The following PRKCE variants were observed in gnomAD, a reference collection of about 807,000 sequenced individuals.
PRKCE encodes the protein protein kinase C epsilon type.
In PRKCE, 16 loss-of-function variants were observed where a neutral mutation model predicts 85.4. The ratio of observed to expected loss-of-function variants is 0.19; its 90% CI spans 0.13 to 0.28. The LOEUF is 0.28. Ranked by LOEUF, PRKCE falls within the 10% of genes least tolerant of loss-of-function variation. The probability of loss-of-function intolerance (pLI) is 1.00; values close to 1 mark genes in which losing one functional copy is unlikely to be tolerated. For missense variants in PRKCE, 573 were observed against 975.2 expected (o/e 0.59, Z 5.49); for synonymous variants, 388 against 371.5 (o/e 1.04, Z -0.51).
intron 14 of PRKCE, among the ~76,000 whole-genome samples, chr2:46,161,324 G>C (rs1322996690): frequency 6.6e-6 from 1 of 152,248 alleles, no homozygotes; most frequent in Non-Finnish European, 1.5e-5. Flanking sequence ...TCAGATGGTA[G>C]GGTGAATTTT....
chr2:46,147,927 A>G (rs61759984), intron 12 of PRKCE, among the ~76,000 whole-genome samples: 22 of 152,366 alleles, frequency 1.4e-4, no homozygotes, highest in Non-Finnish European at 2.8e-4. Flanking sequence ...CATGGGAGCC[A>G]TAACTCCTTC....
At chr2:45,985,093 A>C (rs1368212937) in intron 6 of PRKCE, among the ~76,000 whole-genome samples, 1 of 152,192 alleles carries the variant, frequency 6.6e-6, no homozygotes, top group African/African-American at 2.4e-5. Context: ...TTACTCTTTG[A>C]AAGAGCCATG....
chr2:46,086,371 T>TTCTCTCCTCC lies in PRKCE; in HGVS notation c.1592+13_1592+22dup, dbSNP rs775885404. 1.6e-5 allele frequency: 25 copies of TTCTCTCCTCC among 1,595,184 alleles called. No individual in the cohort carries two copies. Among genetic ancestry groups the TTCTCTCCTCC allele is most frequent in the Non-Finnish European group, 2.1e-5 (25 of 1,176,956 alleles). On this transcript the variant is annotated intron_variant, in intron 11 of 14. Transcript: ENST00000306156. ...CATGGAGTCATCTACAGGTAGCCTC[T>TTCTCTCCTCC]TCTCTCCTCCTCTTTCCTGAAAGTG...
chr2:46,144,261 C>A (rs1160862749), intron 11 of PRKCE, among the ~76,000 whole-genome samples: 1 of 152,176 alleles, frequency 6.6e-6, no homozygotes, highest in Non-Finnish European at 1.5e-5. Context: ...TCCTTGCTGC[C>A]TCCAGACCTT....
At chr2:45,865,173 G>T (rs1465583490) in intron 2 of PRKCE, among the ~76,000 whole-genome samples, 1 of 152,202 alleles carries the variant, frequency 6.6e-6, no homozygotes, top group African/African-American at 2.4e-5. Context: ...CCTAGGCGAT[G>T]CCAGTTCTGC....
In PRKCE at chr2:46,167,823, T is replaced by C. The variant is rs1319459791; in HGVS notation, c.2067+8071T>C. ...CGTTCGTTGACGTTCCCTGCCTTCA[T>C]TCTCAGTAGTGTTTTTGCTGGGTAC... is the stretch of plus-strand genomic sequence containing the variant. On this transcript the variant is annotated intron_variant, in intron 14 of 14. Transcript: ENST00000306156. 2.1e-5 allele frequency: 3 copies of C among 146,088 alleles called. No individual in the cohort carries two copies. In the East Asian group the frequency reaches 6.7e-4, roughly 33 times the overall value. The allele number at this position is 146,088 out of a possible 1,614,324, so 9.0% of individuals were successfully genotyped here.
intron 6 of PRKCE, among the ~76,000 whole-genome samples, chr2:45,999,500 C>T (rs1558940295): frequency 6.6e-6 from 1 of 151,830 alleles, no homozygotes; most frequent in South Asian, 2.1e-4. Flanking sequence ...CTTCTTTCAG[C>T]GTTTTTTAAA....
intron 1 of PRKCE, among the ~76,000 whole-genome samples, chr2:45,807,086 G>A (rs1480185737): frequency 6.6e-6 from 1 of 152,232 alleles, no homozygotes; most frequent in Non-Finnish European, 1.5e-5. Flanking sequence ...GGAGCAGATA[G>A]GCCTTGGTGT....
At chr2:46,052,638 A>C (rs1423580880) in intron 10 of PRKCE, among the ~76,000 whole-genome samples, 1 of 152,282 alleles carries the variant, frequency 6.6e-6, no homozygotes, top group Non-Finnish European at 1.5e-5. Flanking sequence ...AAAAATTGAC[A>C]AGCCGATCTT....
chr2:45,917,638 G>A (rs186715790), intron 2 of PRKCE, among the ~76,000 whole-genome samples: 7,546 of 152,350 alleles, frequency 0.05, 387 homozygotes, highest in African/African-American at 0.13. Flanking sequence ...GGCTGCAGGT[G>A]GAGCTGCCTG....
intron 6 of PRKCE, among the ~76,000 whole-genome samples, chr2:46,000,671 A>T (rs1704605471): frequency 6.6e-6 from 1 of 152,050 alleles, no homozygotes; most frequent in South Asian, 2.1e-4. Flanking sequence ...AACTGAATGT[A>T]CAAAAGTCTA....
At chr2:45,886,250 C>T (rs1158549736) in intron 2 of PRKCE, among the ~76,000 whole-genome samples, 2 of 152,190 alleles carry the variant, frequency 1.3e-5, no homozygotes, top group African/African-American at 4.8e-5. Flanking sequence ...ACTCTCATTT[C>T]CTCTCTGTCA....
intron 10 of PRKCE, among the ~76,000 whole-genome samples, chr2:46,081,572 A>G (rs1206569969): frequency 6.6e-6 from 1 of 152,242 alleles, no homozygotes; most frequent in Non-Finnish European, 1.5e-5. Flanking sequence ...ACCTTGTCAG[A>G]GAAGTCAGGG....
chr2:45,960,605 A>C (rs952529976), intron 2 of PRKCE, among the ~76,000 whole-genome samples: 1 of 152,168 alleles, frequency 6.6e-6, no homozygotes, highest in Non-Finnish European at 1.5e-5. Context: ...AGCTCAGGCA[A>C]TAATGCTTGC....
At chr2:45,795,959 A>G (rs1259439292) in intron 1 of PRKCE, among the ~76,000 whole-genome samples, 1 of 152,260 alleles carries the variant, frequency 6.6e-6, no homozygotes, top group Non-Finnish European at 1.5e-5. Context: ...TGAAAAGAAT[A>G]GAAAATAAAC....
chr2:45,665,998 A>G (rs1421020354), intron 1 of PRKCE, among the ~76,000 whole-genome samples: 1 of 152,102 alleles, frequency 6.6e-6, no homozygotes, highest in Non-Finnish European at 1.5e-5. Flanking sequence ...TAGGGCTTCT[A>G]GAGTCATGGA....
At chr2:45,966,305 G>A (rs909311431) in intron 2 of PRKCE, among the ~76,000 whole-genome samples, 2 of 152,156 alleles carry the variant, frequency 1.3e-5, no homozygotes, top group African/African-American at 2.4e-5. Context: ...AAACGTGTGC[G>A]TGAGATACTA....
intron 1 of PRKCE, among the ~76,000 whole-genome samples, chr2:45,842,509 G>T (rs1430553927): frequency 6.6e-6 from 1 of 152,136 alleles, no homozygotes; most frequent in African/African-American, 2.4e-5. Context: ...GACAGGCTTG[G>T]CATTGAATCT....
At chr2:46,147,390 C>T (rs4953320) in intron 12 of PRKCE, among the ~76,000 whole-genome samples, 128,585 of 152,192 alleles carry the variant, frequency 0.84, 54,448 homozygotes, top group East Asian at 0.97. Context: ...GATGCCAGAG[C>T]CTAACAGTTG....
Sources: gnomAD v4.1 joint callset for allele counts (sites outside exome capture counted in the v4.1 genomes callset) on GRCh38, gnomAD v4.1.1 for gene constraint, MANE v1.5 for transcripts, NCBI Gene and HGNC (gene_info 2026-07-23, HGNC 2026-07-21) for gene names.